Variants in CADPS observed in about 807,000 individuals in gnomAD.
CADPS encodes the protein calcium dependent secretion activator.
A neutral mutation model predicts 167.3 loss-of-function variants in CADPS; 57 were observed. The observed-to-expected ratio is 0.34, with a 90% CI of 0.28 to 0.42. CADPS has a LOEUF of 0.42. CADPS is among the 20% of genes least tolerant of loss of function. CADPS has a pLI of 1.00. For missense variants in CADPS, 1,414 were observed against 1,738.1 expected, an observed-to-expected ratio of 0.81 and a Z score of 3.32; for synonymous variants, 676 against 635.3, an observed-to-expected ratio of 1.06 and a Z score of -0.96.
chr3:62,741,819 A>C (rs2080329508), intron 3 of CADPS, among the ~76,000 whole-genome samples: 1 of 152,228 alleles, frequency 6.6e-6, no homozygotes, highest in African/African-American at 2.4e-5. Flanking sequence ...AAATAGGAAG[A>C]GAGGAAGTCA....
chr3:62,739,768 C>G (rs1268164949), intron 3 of CADPS, among the ~76,000 whole-genome samples: 1 of 152,126 alleles, frequency 6.6e-6, no homozygotes, highest in African/African-American at 2.4e-5. Context: ...AGCAAACACA[C>G]CAGTATAGTT....
rs1389017819 is a variant in CADPS at position 62,805,837 on chromosome 3, T to A, written c.442-39853A>T. 2.6e-5 allele frequency among the ~76,000 whole-genome samples: 4 copies of A among 152,274 alleles called. No individual in the cohort carries two copies. The East Asian group carries it at 7.7e-4, about 29-fold the overall frequency. Reference sequence around the variant, plus strand: ...AAGAGAGAGAGGTTGGAGTATTTAATATACTGGCTCCTTCCTCCCAGAGAG... The same window carrying A: ...AAGAGAGAGAGGTTGGAGTATTTAAAATACTGGCTCCTTCCTCCCAGAGAG... On this transcript the variant is annotated intron_variant, in intron 1 of 29. Coordinates refer to ENST00000383710, the MANE Select transcript of CADPS (RefSeq NM_003716.4).
At chr3:62,639,774 T>A (rs1579383736) in intron 6 of CADPS, among the ~76,000 whole-genome samples, 1 of 152,250 alleles carries the variant, frequency 6.6e-6, no homozygotes, top group East Asian at 1.9e-4. Flanking sequence ...CTGTAAGTTG[T>A]CGGCCCTGCC....
intron 8 of CADPS, among the ~76,000 whole-genome samples, chr3:62,581,658 G>A (rs2083462100): frequency 6.6e-6 from 1 of 152,056 alleles, no homozygotes; most frequent in Non-Finnish European, 1.5e-5. Flanking sequence ...TCCAGTCTGG[G>A]TCACAGAGCA....
In CADPS at chr3:62,570,238, T is replaced by TAA. The variant is rs34173907; in HGVS notation, c.1644+632_1644+633dup. ...CTTGAAGAATTTGGTTTGTTTCAGT[T>TAA]AAAAAAAAAAAAAAGAAGTTTAATA... On this transcript the variant is annotated intron_variant, in intron 9 of 29. Coordinates refer to ENST00000383710, the MANE Select transcript of CADPS (RefSeq NM_003716.4). Among the ~76,000 whole-genome samples the TAA allele has an allele frequency of 7.4e-3, 1,066 of 143,956 alleles. 11 individuals carry two copies. The highest frequency in any genetic ancestry group is 0.023 in the African/African-American group (882 of 39,086). The allele number at this position is 143,956 out of a possible 152,430, so 94.4% of individuals were successfully genotyped here. A position where few individuals can be genotyped will look rare whatever the true frequency, so the allele number is the denominator to read the frequency against.
At chr3:62,804,673 T>C (rs2093983115) in intron 1 of CADPS, among the ~76,000 whole-genome samples, 2 of 152,138 alleles carry the variant, frequency 1.3e-5, no homozygotes, top group African/African-American at 4.8e-5. Context: ...TTGTGTATTG[T>C]TGTTGCCTTG....
chr3:62,861,898 T>C (rs1157007242), intron 1 of CADPS, among the ~76,000 whole-genome samples: 1 of 152,206 alleles, frequency 6.6e-6, no homozygotes, highest in South Asian at 2.1e-4. Context: ...GTTGAAAGTA[T>C]CCTTCCCTCC....
At chr3:62,637,248 G>T (rs1428143546) in intron 6 of CADPS, among the ~76,000 whole-genome samples, 2 of 152,108 alleles carry the variant, frequency 1.3e-5, no homozygotes, top group Non-Finnish European at 2.9e-5. Context: ...CTTGGTCAAG[G>T]TTACCCAGCT....
intron 2 of CADPS, among the ~76,000 whole-genome samples, chr3:62,760,451 A>G (rs539173934): frequency 6.6e-6 from 1 of 152,212 alleles, no homozygotes; most frequent in South Asian, 2.1e-4. Flanking sequence ...GCTGGAGTGC[A>G]GTGGTGCAGC....
At chr3:62,626,285 C>A in intron 6 of CADPS, 1 of 417,804 alleles carries the variant, frequency 2.4e-6, no homozygotes. Flanking sequence ...TGTTCACATT[C>A]AACAACATTA....
At chr3:62,743,092 A>G (rs6789320) in intron 3 of CADPS, among the ~76,000 whole-genome samples, 23,406 of 152,246 alleles carry the variant, frequency 0.15, 2,375 homozygotes, top group African/African-American at 0.3. Flanking sequence ...CACACGAGTC[A>G]TAACGGCTAT....
intron 21 of CADPS, among the ~76,000 whole-genome samples, chr3:62,487,433 A>G (rs1276642179): frequency 6.6e-6 from 1 of 152,156 alleles, no homozygotes; most frequent in Non-Finnish European, 1.5e-5. Flanking sequence ...GTGAGTGGTG[A>G]CCCTACTACA....
intron 3 of CADPS, among the ~76,000 whole-genome samples, chr3:62,675,401 C>T (rs2076190850): frequency 6.6e-6 from 1 of 152,026 alleles, no homozygotes; most frequent in South Asian, 2.1e-4. Flanking sequence ...TCTAGTTTAC[C>T]TGGCCTATGT....
chr3:62,762,370 G>C (rs1194634681), intron 2 of CADPS, among the ~76,000 whole-genome samples: 1 of 152,112 alleles, frequency 6.6e-6, no homozygotes, highest in Admixed American at 6.6e-5. Flanking sequence ...ATGTATATGG[G>C]AGAAGGCCAG....
At chr3:62,819,669 A>G (rs573448258) in intron 1 of CADPS, among the ~76,000 whole-genome samples, 2 of 152,272 alleles carry the variant, frequency 1.3e-5, no homozygotes, top group South Asian at 4.1e-4. Flanking sequence ...GAGACTATGT[A>G]ACTAAGGTCA....
intron 3 of CADPS, among the ~76,000 whole-genome samples, chr3:62,715,221 C>T (rs187974564): frequency 3.4e-4 from 52 of 152,176 alleles, no homozygotes; most frequent in Non-Finnish European, 6.2e-4. Flanking sequence ...ATGATACCTA[C>T]ATGGGGCTTA....
intron 6 of CADPS, among the ~76,000 whole-genome samples, chr3:62,621,653 G>T (rs191542183): frequency 6.6e-6 from 1 of 151,998 alleles, no homozygotes; most frequent in African/African-American, 2.4e-5. Context: ...AACATGCTTC[G>T]TGGGGGTTTC....
rs866845072 is a variant in CADPS at position 62,412,617 on chromosome 3, G to T, written c.3778-9432C>A. Among the ~76,000 whole-genome samples, 2 of 152,036 alleles carry T rather than the reference G, an allele frequency of 1.3e-5. No homozygotes were observed. Among genetic ancestry groups the T allele is most frequent in the African/African-American group, 4.8e-5 (2 of 41,390 alleles). On this transcript the variant is annotated intron_variant, in intron 28 of 29. Coordinates refer to ENST00000383710, the MANE Select transcript of CADPS (RefSeq NM_003716.4). This position sits in a 1 kb window ranked among gnomAD's most constrained non-coding sequence, Gnocchi z 4.1. ...TCCAACTCTGTAAAATGTGTAATAA[G>T]TAATTCTTTAGCATCAAAATTTCTA...
At chr3:62,451,001 A>G (rs961980111) in intron 26 of CADPS, among the ~76,000 whole-genome samples, 2 of 152,202 alleles carry the variant, frequency 1.3e-5, no homozygotes, top group East Asian at 1.9e-4. Flanking sequence ...TAAAAAAACT[A>G]TGAAACCACT....
Sources: allele counts gnomAD v4.1 joint callset (sites outside exome capture counted in the v4.1 genomes callset), GRCh38; gene constraint gnomAD v4.1.1; non-coding constraint Gnocchi (gnomAD v3.1); transcripts MANE v1.5; gene names NCBI Gene and HGNC (gene_info 2026-07-23, HGNC 2026-07-21).